KLHL28: variants seen among roughly 807,000 people sequenced by gnomAD.
KLHL28 encodes kelch like family member 28, also known as kelch-like protein 28.
Under a neutral mutation model 48.3 loss-of-function variants are expected in KLHL28, and 22 were observed. That is an observed-to-expected ratio of 0.46 (90% CI 0.33 to 0.65). KLHL28 has a LOEUF of 0.65. KLHL28 is among the 30% of genes least tolerant of loss of function. The pLI is 0.03. For missense variants in KLHL28, 527 were observed against 704.3 expected (o/e 0.75, Z 2.85); for synonymous variants, 243 against 242.4 (o/e 1.00, Z -0.02).
At chr14:44,936,666 T>C (rs1883835137) in intron 2 of KLHL28, among the ~76,000 whole-genome samples, 1 of 152,164 alleles carries the variant, frequency 6.6e-6, no homozygotes, top group Non-Finnish European at 1.5e-5. Context: ...AAAATGGGTA[T>C]GTAGGTTTCT....
In KLHL28 at chr14:44,960,542, CCT is replaced by C. The variant is rs1885002902; in HGVS notation, c.-1+1302_-1+1303del. 3.3e-5 allele frequency among the ~76,000 whole-genome samples: 5 copies of C among 152,288 alleles called. No individual in the cohort carries two copies. The South Asian group carries it at 1.0e-3, about 32-fold the overall frequency. ...ACAATCATTTCTTGTTTTTCACCTC[CCT>C]GTCTTTAACCTGTCCCTAAAATGAA... On this transcript the variant is annotated intron_variant, in intron 1 of 4. Coordinates refer to ENST00000396128, the MANE Select transcript of KLHL28 (RefSeq NM_017658.5).
intron 1 of KLHL28, 63 bp from the exon 2 acceptor site, chr14:44,945,991 T>C: frequency 3.2e-6 from 4 of 1,268,496 alleles, no homozygotes; most frequent in Non-Finnish European, 4.5e-6. Flanking sequence ...AACACTGCTT[T>C]TCAAATAGTA....
At chr14:44,935,905 T>TATATATATATATATA (rs1233257500) in intron 2 of KLHL28, among the ~76,000 whole-genome samples, 20 of 123,652 alleles carry the variant, frequency 1.6e-4, no homozygotes, top group Middle Eastern at 4.0e-3. Context: ...TATATATATC[T>TATATATATATATATA]TTACCCTCCC....
chr14:44,946,229 TCA>T (rs749240541), intron 1 of KLHL28, among the ~76,000 whole-genome samples: 10 of 152,316 alleles, frequency 6.6e-5, no homozygotes, highest in Non-Finnish European at 1.5e-4. Context: ...ACCAACTTTT[TCA>T]TTTTGTTTCC....
At chr14:44,934,620 T>C (rs1390263117) in intron 2 of KLHL28, 62 bp from the exon 3 acceptor site, 5 of 1,248,556 alleles carry the variant, frequency 4.0e-6, no homozygotes, top group Admixed American at 2.7e-5. Flanking sequence ...AAGACAGATA[T>C]GTTTAATCTT....
At chr14:44,954,999 T>C (rs1884733894) in intron 1 of KLHL28, among the ~76,000 whole-genome samples, 1 of 152,156 alleles carries the variant, frequency 6.6e-6, no homozygotes, top group African/African-American at 2.4e-5. Context: ...ATAAGGACAC[T>C]GTTTATTTGT....
rs144826840 is a variant in KLHL28, at chr14:44,945,698, C to T, written c.231G>A (p.Glu77=). 3 of 1,614,042 alleles carry T rather than the reference C, an allele frequency of 1.9e-6. No homozygotes were observed. In the African/African-American group the frequency reaches 4.0e-5, roughly 22 times the overall value. The change falls in exon 2 of 5, where the codon GAG becomes GAA. Residue 77 remains glutamate (E), a synonymous_variant. Transcript: ENST00000396128. ...GAGCAGTTTCATCAATGCATTGAAACTCAACCTCACTGTTCTCTTTTTCAG... is the reference window on the plus strand; with the variant it reads ...GAGCAGTTTCATCAATGCATTGAAATTCAACCTCACTGTTCTCTTTTTCAG... The part of the protein sequence containing the change: ...NLSEKENSEV[E]FQCIDETALQ...
At chr14:44,939,618 G>T (rs1883984982) in intron 2 of KLHL28, among the ~76,000 whole-genome samples, 1 of 152,034 alleles carries the variant, frequency 6.6e-6, no homozygotes, top group Non-Finnish European at 1.5e-5. Context: ...ATTCAGCAAG[G>T]GTCTTTGCTA....
intron 1 of KLHL28, chr14:44,953,710 C>A (rs959270250): frequency 3.9e-5 from 6 of 152,196 alleles, no homozygotes; most frequent in Admixed American, 3.9e-4. Context: ...GCCTCCATAA[C>A]TGTAAGAAAT....
Position 44,927,921 on chromosome 14 carries a change from AAC to A in KLHL28, c.*1105_*1106del, listed in dbSNP as rs1883429586. 6.6e-6 allele frequency: 1 copy of A among 152,586 alleles called. No homozygotes were observed. The highest frequency in any genetic ancestry group is 1.5e-5 in the Non-Finnish European group (1 of 68,014). The allele number at this position is 152,586 out of a possible 1,614,324, so 9.5% of individuals were successfully genotyped here. Reference sequence around the variant, plus strand: ...ACTATTCAGGAACCATGAAAAGCATAACACAGGCCATTCTGATGATTTTTGGA... The same window carrying A: ...ACTATTCAGGAACCATGAAAAGCATAACAGGCCATTCTGATGATTTTTGGA... On this transcript the variant is annotated 3_prime_UTR_variant, in exon 5 of 5. Transcript: ENST00000396128.
intron 1 of KLHL28, chr14:44,960,996 C>G: frequency 1.1e-6 from 1 of 927,188 alleles, no homozygotes; most frequent in Non-Finnish European, 1.7e-6. Flanking sequence ...AGTATTATTC[C>G]TTCAAAAAAA....
intron 1 of KLHL28, among the ~76,000 whole-genome samples, chr14:44,953,277 T>G (rs1341403376): frequency 6.6e-6 from 1 of 152,222 alleles, no homozygotes; most frequent in African/African-American, 2.4e-5. Context: ...TTCTGCTACA[T>G]ACCTACACCA....
At chr14:44,930,147 C>T (rs1478677016) in intron 4 of KLHL28, among the ~76,000 whole-genome samples, 1 of 152,116 alleles carries the variant, frequency 6.6e-6, no homozygotes, top group Non-Finnish European at 1.5e-5. Context: ...ACAAAAGAAA[C>T]AAATTATAGT....
chr14:44,931,562 T>C, intron 3 of KLHL28, 21 bp from the exon 4 acceptor site: 1 of 1,572,510 alleles, frequency 6.4e-7, no homozygotes, highest in Non-Finnish European at 8.7e-7. Flanking sequence ...TTAAAAAAAA[T>C]TTAATTTACA....
chr14:44,961,023 C>T (rs1347993833), intron 1 of KLHL28: 2 of 699,836 alleles, frequency 2.9e-6, no homozygotes, highest in East Asian at 2.7e-5. Context: ...ATCTCTTCCA[C>T]ACTCCAAAGC....
chr14:44,945,420 G>A lies in KLHL28; in HGVS notation c.509C>T (p.Thr170Ile). The change falls in exon 2 of 5, where the codon ACT becomes ATT. Residue 170 changes from threonine (T) to isoleucine (I), a missense_variant. Coordinates refer to ENST00000396128, the MANE Select transcript of KLHL28 (RefSeq NM_017658.5). ...ICQNFEAVCQ[T>I]EEFFELTHAD... ...ATGTGTAAGCTCAAAAAACTCTTCA[G>A]TCTGGCAAACAGCTTCAAAATTCTG... 1 of 1,614,190 alleles carries A rather than the reference G, an allele frequency of 6.2e-7. No individual in the cohort carries two copies. Among genetic ancestry groups the A allele is most frequent in the Non-Finnish European group, 8.5e-7 (1 of 1,180,022 alleles).
chr14:44,961,392 A>C (rs1355696355), intron 1 of KLHL28, among the ~76,000 whole-genome samples: 1 of 152,130 alleles, frequency 6.6e-6, no homozygotes, highest in Non-Finnish European at 1.5e-5. Flanking sequence ...GGTTAGCTAC[A>C]GGGGGAAAAA....
At chr14:44,929,928 T>C (rs1179306678) in intron 4 of KLHL28, among the ~76,000 whole-genome samples, 2 of 152,214 alleles carry the variant, frequency 1.3e-5, no homozygotes, top group Non-Finnish European at 2.9e-5. Flanking sequence ...TATCTTTCCA[T>C]AGGCTATTTT....
rs537147667 is a variant in KLHL28, at chr14:44,929,605, A to C, written c.1553-414T>G. On this transcript the variant is annotated intron_variant, in intron 4 of 4. Transcript: ENST00000396128. ...AGGGTTTGGTACTATCTGCAGTTTC[A>C]GTCCACTGGGGGTCTTGGAATATAT... Among the ~76,000 whole-genome samples the C allele has an allele frequency of 2.0e-5, 3 of 152,340 alleles. No homozygotes were observed. The South Asian group carries it at 6.2e-4, about 32-fold the overall frequency.
Sources: gnomAD v4.1 joint callset for allele counts (sites outside exome capture counted in the v4.1 genomes callset) on GRCh38, gnomAD v4.1.1 for gene constraint, MANE v1.5 for transcripts, NCBI Gene and HGNC (gene_info 2026-07-23, HGNC 2026-07-21) for gene names.